The following NCALD variants were observed in gnomAD, a reference collection of about 807,000 sequenced individuals.
The protein encoded by NCALD is neurocalcin delta.
In NCALD, 10 loss-of-function variants were observed where a neutral mutation model predicts 18.6. The ratio of observed to expected loss-of-function variants is 0.54; its 90% CI spans 0.33 to 0.91. The LOEUF is 0.91. Among genes scored for constraint, NCALD ranks in the 40% least tolerant of loss-of-function variants. The probability of loss-of-function intolerance (pLI) is 0.03; values close to 1 mark genes in which losing one functional copy is unlikely to be tolerated. For synonymous variants in NCALD, 88 were observed against 87.4 expected (o/e 1.01, Z -0.04); for missense variants, 184 against 247.6 (o/e 0.74, Z 1.72).
In NCALD at chr8:101,686,662, C is replaced by T. The variant is rs185935074; in HGVS notation, c.*2647G>A. On this transcript the variant is annotated 3_prime_UTR_variant, in exon 4 of 4. Coordinates refer to ENST00000220931, the MANE Select transcript of NCALD (RefSeq NM_032041.3). ...TATTATTAAATCCACCGTGGGCATA[C>T]AGATGGGATGGGACAGCACCCCCAG... 9 of 152,712 alleles carry T rather than the reference C, an allele frequency of 5.9e-5. No individual in the cohort carries two copies. The highest frequency in any genetic ancestry group is 8.8e-5 in the Non-Finnish European group (6 of 68,036). 9.5% of individuals were successfully genotyped at this position (152,712 alleles called of 1,614,324 possible).
At chr8:101,777,362 T>C (rs1261021945) in intron 1 of NCALD, among the ~76,000 whole-genome samples, 4 of 152,158 alleles carry the variant, frequency 2.6e-5, no homozygotes, top group African/African-American at 9.7e-5. Context: ...TAGAACTGTA[T>C]GGTTAGTGGT....
chr8:102,028,953 C>CA (rs533627427), intron 1 of NCALD: 160 of 152,238 alleles, frequency 1.1e-3, no homozygotes, highest in African/African-American at 3.6e-3. Flanking sequence ...TAAATAATAG[C>CA]AACAACAGCT....
chr8:101,838,728 T>G (rs1043268686), intron 4 of NCALD, among the ~76,000 whole-genome samples: 1 of 152,236 alleles, frequency 6.6e-6, no homozygotes, highest in African/African-American at 2.4e-5. Flanking sequence ...GGACTCATGC[T>G]TTTTGATTTT....
Position 101,855,604 on chromosome 8 carries a change from G to A in NCALD, c.-20+31537C>T, listed in dbSNP as rs73696522. Among the ~76,000 whole-genome samples, 1,306 of 152,262 alleles carry A rather than the reference G, an allele frequency of 8.6e-3. 22 individuals are homozygous for A. The highest frequency in any genetic ancestry group is 0.029 in the African/African-American group (1,215 of 41,556). On this transcript the variant is annotated intron_variant, in intron 4 of 6. Transcript: ENST00000311028. ...ATATACTCAAGAAATTGAATCTCAA[G>A]TTTAGAGGGGATGATAATAAGAATT...
rs958996123 is a variant in NCALD, at chr8:102,056,006, T to C, written c.-209-35717A>G. Among the ~76,000 whole-genome samples, 4 of 152,232 alleles carry C rather than the reference T, an allele frequency of 2.6e-5. No individual in the cohort carries two copies. In the South Asian group the frequency reaches 8.3e-4, roughly 32 times the overall value. On this transcript the variant is annotated intron_variant, in intron 1 of 6. Transcript: ENST00000311028. ...CTTAGTGATCTTTTAGAGTGTCATATAATGAATAACATGGATTTCTGGAAG... is the reference window on the plus strand; with the variant it reads ...CTTAGTGATCTTTTAGAGTGTCATACAATGAATAACATGGATTTCTGGAAG...
At chr8:102,096,562 A>C (rs899769233) in intron 1 of NCALD, among the ~76,000 whole-genome samples, 4 of 152,188 alleles carry the variant, frequency 2.6e-5, no homozygotes, top group Non-Finnish European at 5.9e-5. Context: ...AGTACCTCTG[A>C]TTGGTTGATT....
chr8:101,756,924 T>C (rs1356067210), intron 1 of NCALD, among the ~76,000 whole-genome samples: 1 of 152,208 alleles, frequency 6.6e-6, no homozygotes, highest in African/African-American at 2.4e-5. Context: ...CTTTCCAACA[T>C]GGGTGTGGCT....
At chr8:101,813,842 A>T (rs1340236905) in intron 4 of NCALD, among the ~76,000 whole-genome samples, 7 of 152,064 alleles carry the variant, frequency 4.6e-5, no homozygotes, top group African/African-American at 7.2e-5. Flanking sequence ...CTGTCCATAT[A>T]CATAAAAGAC....
intron 4 of NCALD, among the ~76,000 whole-genome samples, chr8:101,805,206 A>G (rs1028120625): frequency 3.9e-5 from 6 of 152,254 alleles, no homozygotes; most frequent in African/African-American, 1.4e-4. Context: ...GATCTGGAGC[A>G]CTTGAATTAA....
intron 1 of NCALD, among the ~76,000 whole-genome samples, chr8:102,029,332 G>T (rs1822581946): frequency 6.6e-6 from 1 of 152,140 alleles, no homozygotes; most frequent in Admixed American, 6.5e-5. Flanking sequence ...TTTTTGGGGA[G>T]GACAGGAATA....
At chr8:101,904,566 C>G (rs1307111319) in intron 3 of NCALD, among the ~76,000 whole-genome samples, 1 of 152,180 alleles carries the variant, frequency 6.6e-6, no homozygotes, top group Non-Finnish European at 1.5e-5. Flanking sequence ...AGGATACCAT[C>G]TCCTGGGCTC....
intron 4 of NCALD, chr8:101,847,232 CTTCT>C (rs1473195370): frequency 2.4e-5 from 5 of 207,740 alleles, no homozygotes; most frequent in Middle Eastern, 2.6e-3. Flanking sequence ...TTCCCTTCTT[CTTCT>C]TTTTTTTTTC....
intron 1 of NCALD, among the ~76,000 whole-genome samples, chr8:101,789,750 C>T (rs1245458342): frequency 6.6e-6 from 1 of 152,072 alleles, no homozygotes; most frequent in East Asian, 1.9e-4. Context: ...AAGATTTAGA[C>T]ACCTGGTTAT....
chr8:101,988,344 A>G (rs2131972261), intron 2 of NCALD, among the ~76,000 whole-genome samples: 1 of 152,330 alleles, frequency 6.6e-6, no homozygotes, highest in East Asian at 1.9e-4. Flanking sequence ...ATGTGTGTGT[A>G]TGTATTTACA....
chr8:101,918,167 G>T (rs1228246452), intron 2 of NCALD, among the ~76,000 whole-genome samples: 1 of 152,090 alleles, frequency 6.6e-6, no homozygotes, highest in African/African-American at 2.4e-5. Flanking sequence ...AAGGTGTAAG[G>T]TTCATTCAAC....
chr8:101,751,616 T>C (rs1810663428), intron 1 of NCALD, among the ~76,000 whole-genome samples: 1 of 152,294 alleles, frequency 6.6e-6, no homozygotes, highest in Non-Finnish European at 1.5e-5. Context: ...CCCAGAATTC[T>C]ACCCTGGCTT....
intron 1 of NCALD, among the ~76,000 whole-genome samples, chr8:102,055,161 G>C (rs932770681): frequency 2.0e-5 from 3 of 151,162 alleles, no homozygotes; most frequent in African/African-American, 7.3e-5. Context: ...ATTGCCAAGT[G>C]CATTTACACA....
At chr8:101,964,623 C>T (rs1339223892) in intron 2 of NCALD, among the ~76,000 whole-genome samples, 2 of 152,164 alleles carry the variant, frequency 1.3e-5, no homozygotes, top group African/African-American at 4.8e-5. Context: ...AGAGACTTAC[C>T]TGTGTAACCA....
At chr8:101,904,316 TC>T (rs1817539028) in intron 3 of NCALD, among the ~76,000 whole-genome samples, 1 of 151,866 alleles carries the variant, frequency 6.6e-6, no homozygotes, top group Non-Finnish European at 1.5e-5. Context: ...CCCTAATCCC[TC>T]CTTTATATCA....
Sources: allele counts gnomAD v4.1 joint callset (sites outside exome capture counted in the v4.1 genomes callset), GRCh38; gene constraint gnomAD v4.1.1; transcripts MANE v1.5; gene names NCBI Gene and HGNC (gene_info 2026-07-23, HGNC 2026-07-21).